Variants in CDH18 observed in about 807,000 individuals in gnomAD.
CDH18 encodes the protein cadherin-18.
Under a neutral mutation model 67.9 loss-of-function variants are expected in CDH18, and 31 were observed. The ratio of observed to expected loss-of-function variants is 0.46; its 90% CI spans 0.34 to 0.62. CDH18 has a LOEUF of 0.62. Ranked by LOEUF, CDH18 falls within the 20% of genes least tolerant of loss-of-function variation. The pLI is 0.01. For missense variants in CDH18, 890 were observed against 975.5 expected, an observed-to-expected ratio of 0.91 and a Z score of 1.17; for synonymous variants, 362 against 347.2, an observed-to-expected ratio of 1.04 and a Z score of -0.48.
intron 2 of CDH18, among the ~76,000 whole-genome samples, chr5:19,925,726 TCCAC>T (rs1234052884): frequency 8.5e-5 from 13 of 152,058 alleles, no homozygotes. Flanking sequence ...GACCTTTTGA[TCCAC>T]CCACCTCAGC....
At chr5:20,460,058 G>A (rs560840430) in intron 1 of CDH18, among the ~76,000 whole-genome samples, 6 of 152,174 alleles carry the variant, frequency 3.9e-5, no homozygotes, top group Non-Finnish European at 7.4e-5. Flanking sequence ...ATATTCTGTA[G>A]AATATTACTA....
intron 5 of CDH18, among the ~76,000 whole-genome samples, chr5:19,667,044 T>C (rs1372179183): frequency 2.0e-5 from 3 of 152,016 alleles, no homozygotes; most frequent in Non-Finnish European, 4.4e-5. Flanking sequence ...CTCAATAAAG[T>C]TTTTAATTCA....
At chr5:19,602,919 C>A (rs546857350) in intron 6 of CDH18, among the ~76,000 whole-genome samples, 4 of 151,912 alleles carry the variant, frequency 2.6e-5, no homozygotes, top group African/African-American at 9.7e-5. Flanking sequence ...GAGCCAAGAT[C>A]GCACCATTGC....
intron 9 of CDH18, among the ~76,000 whole-genome samples, chr5:19,533,560 G>T (rs1035672064): frequency 3.9e-5 from 6 of 152,116 alleles, no homozygotes; most frequent in African/African-American, 1.4e-4. Context: ...TTTATTTTCA[G>T]ATAGAAAATA....
At chr5:20,244,398 T>C (rs1473683230) in intron 2 of CDH18, among the ~76,000 whole-genome samples, 3 of 152,234 alleles carry the variant, frequency 2.0e-5, no homozygotes, top group Middle Eastern at 3.4e-3. Context: ...TGAGAATTCG[T>C]TGCCATCGTT....
Position 19,679,590 on chromosome 5 carries a change from T to C in CDH18, c.643+41757A>G, listed in dbSNP as rs1759978803. Among the ~76,000 whole-genome samples, 3 of 151,878 alleles carry C rather than the reference T, an allele frequency of 2.0e-5. 1 individual carries two copies. Among genetic ancestry groups the C allele is most frequent in the South Asian group, 4.1e-4 (2 of 4,820 alleles). On this transcript the variant is annotated intron_variant, in intron 5 of 12. Transcript: ENST00000382275. ...CACCAAAAGGCTCCTAGAACTGATA[T>C]ATGACTTCGGTAAAGTTTCAATGTA...
At chr5:20,567,236 A>G (rs1482587054) in intron 1 of CDH18, among the ~76,000 whole-genome samples, 1 of 152,218 alleles carries the variant, frequency 6.6e-6, no homozygotes. Flanking sequence ...GGGAGAACAA[A>G]AGAGACTTCT....
intron 1 of CDH18, among the ~76,000 whole-genome samples, chr5:20,493,953 A>T (rs1753747658): frequency 6.6e-6 from 1 of 151,222 alleles, no homozygotes; most frequent in South Asian, 2.1e-4. Flanking sequence ...AAACAGCAAA[A>T]AAAAAACCAG....
intron 1 of CDH18, among the ~76,000 whole-genome samples, chr5:20,432,046 A>G (rs972103507): frequency 2.6e-5 from 4 of 152,166 alleles, no homozygotes; most frequent in Non-Finnish European, 5.9e-5. Flanking sequence ...TCAAACCTGG[A>G]ACCATTAAAT....
chr5:19,474,926 G>C (rs906734169), intron 12 of CDH18, among the ~76,000 whole-genome samples: 1 of 151,978 alleles, frequency 6.6e-6, no homozygotes, highest in Admixed American at 6.6e-5. Flanking sequence ...TTACTAAATA[G>C]AAATAGTTCC....
intron 2 of CDH18, among the ~76,000 whole-genome samples, chr5:19,887,143 TTTTTTTG>T (rs1179942527): frequency 7.9e-5 from 12 of 151,406 alleles, no homozygotes; most frequent in Admixed American, 7.3e-4. Flanking sequence ...TAAAAATTTG[TTTTTTTG>T]TTTTTTGTTT....
chr5:19,701,879 T>C (rs1046428182), intron 5 of CDH18, among the ~76,000 whole-genome samples: 2 of 152,238 alleles, frequency 1.3e-5, no homozygotes, highest in African/African-American at 2.4e-5. Context: ...CCCAGAAAAG[T>C]ATAAGTAACT....
intron 2 of CDH18, among the ~76,000 whole-genome samples, chr5:20,093,122 A>G (rs1745586313): frequency 6.6e-6 from 1 of 152,140 alleles, no homozygotes; most frequent in South Asian, 2.1e-4. Flanking sequence ...CTGCATTCCC[A>G]ACAACTTGGG....
At chr5:19,726,550 G>A (rs1288607821) in intron 4 of CDH18, among the ~76,000 whole-genome samples, 2 of 152,170 alleles carry the variant, frequency 1.3e-5, no homozygotes, top group East Asian at 3.9e-4. Context: ...AACAGAACAG[G>A]AGTGGACATA....
chr5:20,441,481 A>G lies in CDH18; in HGVS notation c.-580+133981T>C, dbSNP rs183776600. Among the ~76,000 whole-genome samples the G allele has an allele frequency of 2.2e-3, 328 of 151,906 alleles. 3 individuals are homozygous for G. Among genetic ancestry groups the G allele is most frequent in the Non-Finnish European group, 3.3e-3 (223 of 68,002 alleles). On this transcript the variant is annotated intron_variant, in intron 1 of 14. Coordinates refer to the CDH18 transcript ENST00000507958. ...AGGCATTAGAACTACACAGAGCAAA[A>G]AACTACACAGAGCAAAAAAAAAACA...
chr5:19,478,128 G>C (rs1010740407), intron 12 of CDH18, among the ~76,000 whole-genome samples: 2 of 152,024 alleles, frequency 1.3e-5, no homozygotes, highest in Non-Finnish European at 2.9e-5. Context: ...CTCATAATAT[G>C]TATTTTTTCC....
At chr5:19,718,138 T>C (rs1765566134) in intron 5 of CDH18, among the ~76,000 whole-genome samples, 2 of 151,954 alleles carry the variant, frequency 1.3e-5, no homozygotes, top group South Asian at 4.1e-4. Context: ...GTTTACAAAA[T>C]AGGAAGCCAA....
At chr5:20,132,812 T>C in intron 2 of CDH18, among the ~76,000 whole-genome samples, 1 of 152,190 alleles carries the variant, frequency 6.6e-6, no homozygotes, top group Middle Eastern at 3.2e-3. Context: ...GCAAAAGTCA[T>C]CAGGTTATTA....
chr5:19,942,733 T>C (rs6869500), intron 2 of CDH18, among the ~76,000 whole-genome samples: 8,550 of 152,172 alleles, frequency 0.056, 615 homozygotes, highest in African/African-American at 0.17. Flanking sequence ...TGGTTTGACA[T>C]CAGTTCAAAA....
Sources: gnomAD v4.1 joint callset for allele counts (sites outside exome capture counted in the v4.1 genomes callset) on GRCh38, gnomAD v4.1.1 for gene constraint, MANE v1.5 for transcripts, NCBI Gene and HGNC (gene_info 2026-07-23, HGNC 2026-07-21) for gene names.